Variants in IPO11 observed in about 807,000 individuals in gnomAD.
The protein encoded by IPO11 is importin-11.
A neutral mutation model predicts 143.2 loss-of-function variants in IPO11; 66 were observed. The ratio of observed to expected loss-of-function variants is 0.46; its 90% CI spans 0.38 to 0.57. The LOEUF is 0.57. IPO11 is among the 20% of genes least tolerant of loss of function. The pLI is 0.00. For synonymous variants in IPO11, 385 were observed against 377.8 expected (o/e 1.02, Z -0.22); for missense variants, 1,026 against 1,141.0 (o/e 0.90, Z 1.45).
At chr5:62,442,851 T>G in intron 2 of IPO11, 132 bp from the exon 3 acceptor site, 1 of 482,710 alleles carries the variant, frequency 2.1e-6, no homozygotes, top group Middle Eastern at 5.3e-4. Context: ...GCGACGAGAG[T>G]GAAACTGTCT....
chr5:62,444,899 T>TATATATATATAAACATACATATAA (rs1173010361), intron 3 of IPO11, among the ~76,000 whole-genome samples: 6 of 150,586 alleles, frequency 4.0e-5, no homozygotes, highest in Non-Finnish European at 7.4e-5. Context: ...TATATATATG[T>TATATATATATAAACATACATATAA]ATATATATAT....
intron 27 of IPO11, chr5:62,580,458 G>A (rs151243125): frequency 6.4e-7 from 1 of 1,551,324 alleles, no homozygotes; most frequent in East Asian, 2.4e-5. Flanking sequence ...TTACAGCCTT[G>A]CATCCAAGGG....
intron 1 of IPO11, among the ~76,000 whole-genome samples, chr5:62,429,560 C>T (rs1253936275): frequency 1.3e-5 from 2 of 148,568 alleles, no homozygotes; most frequent in Non-Finnish European, 3.0e-5. Context: ...GAATTACAGG[C>T]GCACACCACC....
intron 27 of IPO11, among the ~76,000 whole-genome samples, chr5:62,572,541 GTTTGTTTATTTATTTA>G (rs70981026): frequency 0.46 from 64,822 of 141,594 alleles, 14,495 homozygotes; most frequent in South Asian, 0.54. Flanking sequence ...ATGTATATTT[GTTTGTTTATTTATTTA>G]TTTATTTATT....
chr5:62,582,760 A>G (rs567967579), intron 27 of IPO11, among the ~76,000 whole-genome samples: 1 of 152,344 alleles, frequency 6.6e-6, no homozygotes, highest in East Asian at 1.9e-4. Context: ...TAGAAGTAAT[A>G]TAATGGTTTT....
chr5:62,562,716 A>T (rs1029755321), intron 27 of IPO11, among the ~76,000 whole-genome samples: 6 of 152,216 alleles, frequency 3.9e-5, no homozygotes, highest in African/African-American at 1.4e-4. Flanking sequence ...GTGATAAATT[A>T]GTGACTTAAG....
chr5:62,625,657 C>G (rs1271890090), intron 29 of IPO11, among the ~76,000 whole-genome samples: 3 of 152,224 alleles, frequency 2.0e-5, no homozygotes, highest in Non-Finnish European at 4.4e-5. Context: ...TTTTTCCGAT[C>G]TATATTCTAG....
chr5:62,419,555 T>A (rs759937539), intron 1 of IPO11, among the ~76,000 whole-genome samples: 68 of 152,282 alleles, frequency 4.5e-4, no homozygotes, highest in Non-Finnish European at 3.4e-4. Flanking sequence ...CACTGGAAGG[T>A]CTTCGGGGGC....
chr5:62,581,084 T>G (rs979196044), intron 27 of IPO11: 2 of 1,549,270 alleles, frequency 1.3e-6, no homozygotes, highest in African/African-American at 2.7e-5. Context: ...ATCTACAAAG[T>G]TGTTCAGTTT....
intron 27 of IPO11, among the ~76,000 whole-genome samples, chr5:62,576,481 ATAGATGGTATATATC>A (rs1744318046): frequency 2.0e-5 from 3 of 152,224 alleles, no homozygotes; most frequent in Admixed American, 2.0e-4. Context: ...TGGTTTATAT[ATAGATGGTATATATC>A]TAAATACATA....
chr5:62,543,913 A>C (rs1174404763), intron 24 of IPO11, among the ~76,000 whole-genome samples: 1 of 152,156 alleles, frequency 6.6e-6, no homozygotes, highest in Non-Finnish European at 1.5e-5. Flanking sequence ...TTCAAAGAAC[A>C]GCTTTATTTC....
chr5:62,566,005 C>A (rs1743925778), intron 27 of IPO11, among the ~76,000 whole-genome samples: 1 of 152,186 alleles, frequency 6.6e-6, no homozygotes, highest in Admixed American at 6.5e-5. Flanking sequence ...ATATGTGCCA[C>A]ATTTCCTTTA....
chr5:62,470,719 ACAAT>A (rs1463728708), intron 7 of IPO11, among the ~76,000 whole-genome samples: 2 of 151,592 alleles, frequency 1.3e-5, no homozygotes, highest in South Asian at 2.1e-4. Flanking sequence ...CATGCTGTTC[ACAAT>A]CAATTAAAAA....
At chr5:62,566,823 T>A (rs956325755) in intron 27 of IPO11, among the ~76,000 whole-genome samples, 3 of 152,056 alleles carry the variant, frequency 2.0e-5, no homozygotes, top group African/African-American at 7.2e-5. Context: ...TGAATTTTTG[T>A]CTGTGTAGTT....
chr5:62,498,140 G>T, intron 16 of IPO11, among the ~76,000 whole-genome samples: 1 of 151,984 alleles, frequency 6.6e-6, no homozygotes, highest in East Asian at 1.9e-4. Context: ...GTTTATGGAA[G>T]ATTAAATACT....
intron 27 of IPO11, among the ~76,000 whole-genome samples, chr5:62,589,442 C>A (rs758333654): frequency 2.6e-5 from 4 of 152,174 alleles, no homozygotes; most frequent in Non-Finnish European, 4.4e-5. Flanking sequence ...AGTCAAGTCA[C>A]CCACCCAAGA....
At chr5:62,605,504 A>G (rs1745675367) in intron 29 of IPO11, among the ~76,000 whole-genome samples, 1 of 152,096 alleles carries the variant, frequency 6.6e-6, no homozygotes, top group Non-Finnish European at 1.5e-5. Flanking sequence ...TTCATTTAAT[A>G]TATGTTTCCT....
intron 28 of IPO11, among the ~76,000 whole-genome samples, chr5:62,597,944 C>T (rs780942994): frequency 6.6e-6 from 1 of 152,154 alleles, no homozygotes; most frequent in African/African-American, 2.4e-5. Context: ...ACTCCATCCC[C>T]TCAGCATATT....
intron 16 of IPO11, among the ~76,000 whole-genome samples, chr5:62,502,737 G>A (rs866712115): frequency 7.9e-5 from 12 of 152,078 alleles, no homozygotes; most frequent in Admixed American, 3.9e-4. Context: ...TGGTCCTTTC[G>A]TGGAGGAAAG....
Sources: gnomAD v4.1 joint callset for allele counts (sites outside exome capture counted in the v4.1 genomes callset) on GRCh38, gnomAD v4.1.1 for gene constraint, MANE v1.5 for transcripts, NCBI Gene and HGNC (gene_info 2026-07-23, HGNC 2026-07-21) for gene names.